The following TCF7L1 variants were observed in gnomAD, a reference collection of about 807,000 sequenced individuals.
The protein encoded by TCF7L1 is transcription factor 7 like 1.
Under a neutral mutation model 63.7 loss-of-function variants are expected in TCF7L1, and 18 were observed. That is an observed-to-expected ratio of 0.28 (90% CI 0.20 to 0.42). The LOEUF is 0.42. Ranked by LOEUF, TCF7L1 falls within the 10% of genes least tolerant of loss-of-function variation. The probability of loss-of-function intolerance (pLI) is 1.00; values close to 1 mark genes in which losing one functional copy is unlikely to be tolerated. For missense variants in TCF7L1, 654 were observed against 779.3 expected (o/e 0.84, Z 1.91); for synonymous variants, 355 against 340.9 (o/e 1.04, Z -0.46).
At chr2:85,283,131 C>G (rs542330178) in intron 3 of TCF7L1, among the ~76,000 whole-genome samples, 1 of 152,098 alleles carries the variant, frequency 6.6e-6, no homozygotes, top group South Asian at 2.1e-4. Context: ...CTTGGTCAGC[C>G]CTGCGTGTCC....
At chr2:85,170,838 A>C (rs1680290789) in intron 3 of TCF7L1, among the ~76,000 whole-genome samples, 1 of 152,208 alleles carries the variant, frequency 6.6e-6, no homozygotes, top group South Asian at 2.1e-4. Flanking sequence ...ACCACAACAG[A>C]AAGACAACAG....
chr2:85,138,934 A>G (rs971811906), intron 3 of TCF7L1, among the ~76,000 whole-genome samples: 1 of 152,188 alleles, frequency 6.6e-6, no homozygotes, highest in African/African-American at 2.4e-5. Context: ...GGAAGGCCCT[A>G]CTTACATTCT....
intron 3 of TCF7L1, among the ~76,000 whole-genome samples, chr2:85,141,206 G>A (rs532707721): frequency 7.6e-5 from 8 of 105,214 alleles, no homozygotes; most frequent in African/African-American, 2.7e-4. Flanking sequence ...CTGCACCCCA[G>A]CTTGGGTGAC....
chr2:85,198,413 G>C (rs1015133777), intron 3 of TCF7L1, among the ~76,000 whole-genome samples: 1 of 152,182 alleles, frequency 6.6e-6, no homozygotes, highest in Non-Finnish European at 1.5e-5. Flanking sequence ...CTCAGGGAGA[G>C]GTGTCCGTGG....
chr2:85,302,396 C>T (rs944519456), intron 4 of TCF7L1, 88 bp from the exon 5 acceptor site: 9 of 1,579,464 alleles, frequency 5.7e-6, no homozygotes, highest in African/African-American at 4.0e-5. Context: ...CTGGAAAATA[C>T]CTGGCACTTA....
chr2:85,296,560 T>G (rs558934823), intron 4 of TCF7L1, among the ~76,000 whole-genome samples: 1 of 152,310 alleles, frequency 6.6e-6, no homozygotes, highest in East Asian at 1.9e-4. Context: ...TAATAAGTGT[T>G]TTGTAGGGAG....
At chr2:85,204,117 G>A (rs1025044159) in intron 3 of TCF7L1, among the ~76,000 whole-genome samples, 1 of 152,116 alleles carries the variant, frequency 6.6e-6, no homozygotes, top group Non-Finnish European at 1.5e-5. Flanking sequence ...CAAGTAAAAT[G>A]AAATTCTTCC....
chr2:85,151,653 G>A (rs1678018912), intron 3 of TCF7L1, among the ~76,000 whole-genome samples: 1 of 152,130 alleles, frequency 6.6e-6, no homozygotes, highest in Non-Finnish European at 1.5e-5. Context: ...TCAGATCAGA[G>A]GTCAGCAAAC....
intron 3 of TCF7L1, among the ~76,000 whole-genome samples, chr2:85,138,384 T>C (rs1048811602): frequency 6.6e-6 from 1 of 152,198 alleles, no homozygotes. Flanking sequence ...AAGTTGTCTG[T>C]TTTTAGGAGT....
chr2:85,282,794 T>TTTTGTG, intron 3 of TCF7L1, among the ~76,000 whole-genome samples: 1 of 119,226 alleles, frequency 8.4e-6, no homozygotes, highest in Non-Finnish European at 1.7e-5. Flanking sequence ...GAGAGAGAGA[T>TTTTGTG]TGTGTGTGTG....
At chr2:85,156,780 C>T (rs1009413888) in intron 3 of TCF7L1, among the ~76,000 whole-genome samples, 2 of 152,198 alleles carry the variant, frequency 1.3e-5, no homozygotes, top group Non-Finnish European at 2.9e-5. Flanking sequence ...TATGTGTATA[C>T]GCGCATGCAT....
At chr2:85,263,283 C>T (rs1054631045) in intron 3 of TCF7L1, among the ~76,000 whole-genome samples, 6 of 117,782 alleles carry the variant, frequency 5.1e-5, no homozygotes, top group Non-Finnish European at 8.4e-5. Context: ...GAGCAGGCAT[C>T]GGGAACCGCT....
intron 3 of TCF7L1, among the ~76,000 whole-genome samples, chr2:85,234,551 G>A (rs967654697): frequency 6.6e-6 from 1 of 152,118 alleles, no homozygotes; most frequent in African/African-American, 2.4e-5. Context: ...TTGATTTCAC[G>A]AATTCCCAAA....
intron 4 of TCF7L1, among the ~76,000 whole-genome samples, chr2:85,285,960 G>A (rs1269511244): frequency 2.0e-5 from 3 of 152,190 alleles, no homozygotes; most frequent in Non-Finnish European, 4.4e-5. Context: ...GGGAAGCTGA[G>A]GCAGGCAGAT....
intron 4 of TCF7L1, among the ~76,000 whole-genome samples, chr2:85,296,476 A>G (rs1681842108): frequency 6.6e-6 from 1 of 152,208 alleles, no homozygotes; most frequent in Non-Finnish European, 1.5e-5. Flanking sequence ...TAGTGATGTT[A>G]GCATCAACTG....
intron 3 of TCF7L1, among the ~76,000 whole-genome samples, chr2:85,234,131 C>CTTTTTTTTTTTTTTTTTTTTTTT (rs35508338): frequency 1.1e-3 from 69 of 65,234 alleles, no homozygotes; most frequent in Non-Finnish European, 1.4e-3. Flanking sequence ...TTTTTCTTTT[C>CTTTTTTTTTTTTTTTTTTTTTTT]TTTTTTTTTT....
At chr2:85,207,466 T>C (rs1679434939) in intron 3 of TCF7L1, among the ~76,000 whole-genome samples, 1 of 152,138 alleles carries the variant, frequency 6.6e-6, no homozygotes, top group Non-Finnish European at 1.5e-5. Context: ...CTTTGTATTT[T>C]TTTGTACACA....
chr2:85,153,060 A>G (rs545053012), intron 3 of TCF7L1, among the ~76,000 whole-genome samples: 1 of 152,362 alleles, frequency 6.6e-6, no homozygotes, highest in Admixed American at 6.5e-5. Flanking sequence ...TGGATGGGAT[A>G]TGTTGGTCAC....
At chr2:85,226,377 C>T (rs992691638) in intron 3 of TCF7L1, among the ~76,000 whole-genome samples, 1 of 152,058 alleles carries the variant, frequency 6.6e-6, no homozygotes, top group African/African-American at 2.4e-5. Flanking sequence ...GTACCTATCC[C>T]TATTTTACCA....
Sources: gnomAD v4.1 joint callset for allele counts (sites outside exome capture counted in the v4.1 genomes callset) on GRCh38, gnomAD v4.1.1 for gene constraint, MANE v1.5 for transcripts, NCBI Gene and HGNC (gene_info 2026-07-23, HGNC 2026-07-21) for gene names.